Variants in AFAP1L1 observed in about 807,000 individuals in gnomAD.
AFAP1L1 encodes the protein actin filament-associated protein 1-like 1.
In AFAP1L1, 77 loss-of-function variants were observed where a neutral mutation model predicts 99.8. That is an observed-to-expected ratio of 0.77 (90% CI 0.64 to 0.93). The LOEUF (loss-of-function observed/expected upper bound fraction) is 0.93. Ranked by LOEUF, AFAP1L1 falls within the 40% of genes least tolerant of loss-of-function variation. The probability of loss-of-function intolerance (pLI) is 0.00; values close to 1 mark genes in which losing one functional copy is unlikely to be tolerated. For synonymous variants in AFAP1L1, 373 were observed against 395.3 expected (o/e 0.94, Z 0.67); for missense variants, 893 against 996.8 (o/e 0.90, Z 1.40).
intron 16 of AFAP1L1, among the ~76,000 whole-genome samples, chr5:149,330,780 T>C (rs1757233731): frequency 6.6e-6 from 1 of 152,134 alleles, no homozygotes; most frequent in Admixed American, 6.5e-5. Context: ...GTGTAACATA[T>C]CAGATTATTT....
At chr5:149,276,496 C>T (rs1450662509) in intron 1 of AFAP1L1, among the ~76,000 whole-genome samples, 2 of 152,212 alleles carry the variant, frequency 1.3e-5, no homozygotes, top group Non-Finnish European at 1.5e-5. Context: ...AGTTAATTAG[C>T]TCTCTGTCCC....
At chr5:149,335,117 C>T (rs1469293268) in intron 17 of AFAP1L1, among the ~76,000 whole-genome samples, 2 of 152,208 alleles carry the variant, frequency 1.3e-5, no homozygotes, top group Admixed American at 6.5e-5. Context: ...TTGTCATTAT[C>T]GTTATCTGAA....
intron 1 of AFAP1L1, among the ~76,000 whole-genome samples, chr5:149,273,603 A>G (rs568024519): frequency 6.6e-6 from 1 of 152,264 alleles, no homozygotes; most frequent in South Asian, 2.1e-4. Flanking sequence ...ACTGAGGCCT[A>G]GATTTGTAAA....
At chr5:149,332,657 C>A in intron 16 of AFAP1L1, 38 bp from the exon 17 acceptor site, 2 of 1,588,240 alleles carry the variant, frequency 1.3e-6, no homozygotes, top group South Asian at 2.3e-5. Context: ...CATTTCAGGT[C>A]AGGTTCAGCT....
At chr5:149,311,602 C>G (rs1020759830) in intron 8 of AFAP1L1, among the ~76,000 whole-genome samples, 1 of 152,320 alleles carries the variant, frequency 6.6e-6, no homozygotes, top group Admixed American at 6.5e-5. Flanking sequence ...ATGCTTATTG[C>G]TGTGTGGCCT....
rs1236572075 is a variant in AFAP1L1 at position 149,317,795 on chromosome 5, T to C, written c.1334T>C (p.Leu445Pro). The C allele has an allele frequency of 1.2e-6, 2 of 1,614,040 alleles. No individual in the cohort carries two copies. The highest frequency in any genetic ancestry group is 1.7e-6 in the Non-Finnish European group (2 of 1,179,976). ...ERWCRLKCNT[L>P]YFHKDHMDLR... is the part of the protein sequence containing the mutation. ...TGGTGCCGCCTGAAGTGCAACACTC[T>C]GTATTTCCACAAGGATCACATGGAC... The change falls in exon 12 of 19, where the codon CTG becomes CCG. Residue 445 changes from leucine (L) to proline (P), a missense_variant. Coordinates refer to ENST00000296721, the MANE Select transcript of AFAP1L1 (RefSeq NM_152406.4).
chr5:149,342,287 T>C lies in AFAP1L1; in HGVS notation c.*2257T>C, dbSNP rs1376563974. On this transcript the variant is annotated 3_prime_UTR_variant, in exon 19 of 19. Coordinates refer to ENST00000296721, the MANE Select transcript of AFAP1L1 (RefSeq NM_152406.4). ...TTCACTGAAACCCTGAGATAAGTTA[T>C]ATTGCCCTAGTTTTCACAGTTCAGG... 2.6e-5 allele frequency among the ~76,000 whole-genome samples: 4 copies of C among 152,238 alleles called. No individual in the cohort carries two copies. The highest frequency in any genetic ancestry group is 6.5e-5 in the Admixed American group (1 of 15,288).
intron 1 of AFAP1L1, among the ~76,000 whole-genome samples, chr5:149,287,456 A>G (rs1177654690): frequency 1.3e-5 from 2 of 152,208 alleles, no homozygotes; most frequent in Non-Finnish European, 2.9e-5. Flanking sequence ...TGCTTACTCC[A>G]TTATCAAAAA....
chr5:149,279,000 G>A (rs373413173), intron 1 of AFAP1L1, among the ~76,000 whole-genome samples: 14 of 152,146 alleles, frequency 9.2e-5, no homozygotes, highest in Non-Finnish European at 1.9e-4. Context: ...TTTCCATTCC[G>A]AGGTCAACTC....
At position 149,335,689 on chromosome 5, in the gene AFAP1L1, C is replaced by T. The variant is rs1385776586; in HGVS notation, c.2250C>T (p.Ala750=). 6.2e-7 allele frequency: 1 copy of T among 1,614,008 alleles called. No individual in the cohort carries two copies. Among genetic ancestry groups the T allele is most frequent in the East Asian group, 2.2e-5 (1 of 44,880 alleles). Residue 750 remains alanine, a synonymous_variant, in exon 18 of 19, where the codon GCC becomes GCT. Transcript: ENST00000296721. ...ELRKRSPSIV[A]SNQGRVLQKA... ...GGAAGAGGAGCCCATCCATCGTAGC[C>T]TCCAACCAAGGAAGGGTGCTACAGA... is the stretch of plus-strand genomic sequence containing the variant.
At chr5:149,332,980 T>TA in intron 17 of AFAP1L1, 107 bp downstream of exon 17, 1 of 1,378,234 alleles carries the variant, frequency 7.3e-7, no homozygotes, top group South Asian at 1.6e-5. Context: ...TATGCCCACT[T>TA]ACAGACAAGA....
At position 149,315,909 on chromosome 5, in the gene AFAP1L1, A is replaced by T; in HGVS notation, c.1109A>T (p.Asp370Val). Residue 370 changes from aspartate (D) to valine (V), a missense_variant, in exon 10 of 19, where the codon GAT (aspartate) becomes GTT (valine). Coordinates refer to ENST00000296721, the MANE Select transcript of AFAP1L1 (RefSeq NM_152406.4). ...CSTLGRRETC[D>V]HGKGKKSSLA... The stretch of plus-strand genomic sequence containing the variant: ...ACCCTTGGCCGCCGGGAGACCTGTG[A>T]TCACGGTAGGAGCCTCTGGGGGCTC... 6.2e-7 allele frequency: 1 copy of T among 1,614,070 alleles called. No homozygotes were observed. Among genetic ancestry groups the T allele is most frequent in the Non-Finnish European group, 8.5e-7 (1 of 1,180,002 alleles).
rs1189853629 is a variant in AFAP1L1 at position 149,341,327 on chromosome 5, A to T, written c.*1297A>T. 1.3e-5 allele frequency: 2 copies of T among 152,102 alleles called. No individual in the cohort carries two copies. The highest frequency in any genetic ancestry group is 2.9e-5 in the Non-Finnish European group (2 of 68,040). The allele number at this position is 152,102 out of a possible 1,614,324, so 9.4% of individuals were successfully genotyped here. On this transcript the variant is annotated 3_prime_UTR_variant, in exon 19 of 19. Transcript: ENST00000296721. ...AGACCACAGCAGGAAAAATAACCTG[A>T]CCAGTAATCACCCACTGATTAGTGG...
At chr5:149,311,303 G>A (rs1377896358) in intron 8 of AFAP1L1, among the ~76,000 whole-genome samples, 3 of 152,172 alleles carry the variant, frequency 2.0e-5, no homozygotes, top group East Asian at 3.9e-4. Context: ...TACCCTCCAC[G>A]AGCTGGTTGG....
intron 1 of AFAP1L1, among the ~76,000 whole-genome samples, chr5:149,276,144 A>C (rs1315192459): frequency 6.6e-6 from 1 of 152,178 alleles, no homozygotes; most frequent in African/African-American, 2.4e-5. Context: ...CTAGATGCCA[A>C]ATCTTCCTGT....
At chr5:149,303,702 G>A (rs888908793) in intron 5 of AFAP1L1, among the ~76,000 whole-genome samples, 4 of 151,978 alleles carry the variant, frequency 2.6e-5, no homozygotes, top group African/African-American at 9.7e-5. Context: ...ACACACACAT[G>A]CATCCGTTTT....
chr5:149,310,283 T>C (rs1213356641), intron 8 of AFAP1L1, 148 bp downstream of exon 8: 1 of 965,188 alleles, frequency 1.0e-6, no homozygotes, highest in Non-Finnish European at 1.5e-6. Flanking sequence ...GGCTTATGTA[T>C]GGAAATGGGC....
chr5:149,277,585 T>C (rs17109887), intron 1 of AFAP1L1, among the ~76,000 whole-genome samples: 11,474 of 152,294 alleles, frequency 0.075, 567 homozygotes, highest in African/African-American at 0.13. Context: ...GGTAATGGTC[T>C]TTTGAAAGGA....
At chr5:149,327,414 C>A (rs1313581760) in intron 15 of AFAP1L1, among the ~76,000 whole-genome samples, 1 of 151,976 alleles carries the variant, frequency 6.6e-6, no homozygotes, top group Admixed American at 6.6e-5. Flanking sequence ...AGGAAATAGA[C>A]TATACTGAGT....
Sources: gnomAD v4.1 joint callset for allele counts (sites outside exome capture counted in the v4.1 genomes callset) on GRCh38, gnomAD v4.1.1 for gene constraint, MANE v1.5 for transcripts, NCBI Gene and HGNC (gene_info 2026-07-23, HGNC 2026-07-21) for gene names.